The following FAM227B variants were observed in gnomAD, a reference collection of about 807,000 sequenced individuals.
FAM227B encodes the protein family with sequence similarity 227 member B.
Under a neutral mutation model 73.8 loss-of-function variants are expected in FAM227B, and 88 were observed. The ratio of observed to expected loss-of-function variants is 1.19; its 90% CI spans 1.00 to 1.42. The LOEUF (loss-of-function observed/expected upper bound fraction) is 1.42. FAM227B is among the 40% of genes most tolerant of loss of function. FAM227B has a pLI of 0.00. For missense variants in FAM227B, 632 were observed against 590.9 expected (o/e 1.07, Z -0.72); for synonymous variants, 210 against 190.5 (o/e 1.10, Z -0.84).
chr15:49,430,372 C>A (rs1244017161), intron 11 of FAM227B, among the ~76,000 whole-genome samples: 1 of 151,758 alleles, frequency 6.6e-6, no homozygotes, highest in Non-Finnish European at 1.5e-5. Context: ...TGACTATGAA[C>A]TCAGATGCTC....
At chr15:49,451,316 A>G (rs2052715382) in intron 11 of FAM227B, among the ~76,000 whole-genome samples, 1 of 152,096 alleles carries the variant, frequency 6.6e-6, no homozygotes, top group Non-Finnish European at 1.5e-5. Context: ...ATAAAAACTA[A>G]AAAAGTTTTA....
At chr15:49,371,509 G>A (rs2045803731) in intron 11 of FAM227B, 110 bp from the exon 12 acceptor site, 3 of 546,878 alleles carry the variant, frequency 5.5e-6, no homozygotes, top group Non-Finnish European at 9.7e-6. Context: ...ATGGAGAAAG[G>A]CAAACATGGA....
intron 15 of FAM227B, 151 bp downstream of exon 15, chr15:49,331,629 T>C: frequency 1.7e-6 from 1 of 584,134 alleles, no homozygotes; most frequent in Non-Finnish European, 3.1e-6. Flanking sequence ...TTTTCTTACA[T>C]GTGCATGTAG....
chr15:49,591,585 A>C (rs2076580983), intron 3 of FAM227B, among the ~76,000 whole-genome samples: 1 of 139,556 alleles, frequency 7.2e-6, no homozygotes, highest in African/African-American at 2.7e-5. Flanking sequence ...TCCAAGGTTC[A>C]AGCGATTCTC....
chr15:49,585,519 A>G (rs1028793932), intron 5 of FAM227B, among the ~76,000 whole-genome samples: 1 of 152,248 alleles, frequency 6.6e-6, no homozygotes, highest in Non-Finnish European at 1.5e-5. Context: ...GCCATAAAAA[A>G]TGATGAGTTC....
intron 9 of FAM227B, among the ~76,000 whole-genome samples, chr15:49,544,753 T>C (rs12438130): frequency 0.33 from 49,555 of 152,082 alleles, 8,813 homozygotes; most frequent in African/African-American, 0.45. Flanking sequence ...TCTGCATCTA[T>C]TGAGATAAAC....
intron 10 of FAM227B, among the ~76,000 whole-genome samples, chr15:49,541,141 A>G (rs147444956): frequency 6.6e-6 from 1 of 152,234 alleles, no homozygotes; most frequent in Non-Finnish European, 1.5e-5. Flanking sequence ...ACATGAAACT[A>G]TATTTCTATA....
At chr15:49,615,075 A>T (rs1170508477) in intron 2 of FAM227B, 46 bp downstream of exon 2, 2 of 1,563,022 alleles carry the variant, frequency 1.3e-6, no homozygotes, top group Non-Finnish European at 8.8e-7. Flanking sequence ...TTCCAAGAGA[A>T]ATATAACCTT....
At chr15:49,467,786 G>A (rs1203842840) in intron 11 of FAM227B, among the ~76,000 whole-genome samples, 3 of 152,092 alleles carry the variant, frequency 2.0e-5, no homozygotes, top group African/African-American at 7.2e-5. Flanking sequence ...GTCTGATTCA[G>A]GGAATATATC....
intron 5 of FAM227B, among the ~76,000 whole-genome samples, chr15:49,585,706 G>C (rs959244326): frequency 5.3e-5 from 8 of 152,154 alleles, no homozygotes; most frequent in African/African-American, 1.9e-4. Context: ...GTGGGTGGAG[G>C]GGGGAGGGAT....
chr15:49,380,699 T>C (rs914385409), intron 11 of FAM227B, among the ~76,000 whole-genome samples: 2 of 151,862 alleles, frequency 1.3e-5, no homozygotes, highest in African/African-American at 4.8e-5. Context: ...AGTCCTTTAC[T>C]TTTTTTTCTA....
At chr15:49,598,070 C>T (rs2076983361) in intron 3 of FAM227B, among the ~76,000 whole-genome samples, 1 of 151,906 alleles carries the variant, frequency 6.6e-6, no homozygotes, top group Non-Finnish European at 1.5e-5. Context: ...ACCAATTCTA[C>T]TGAAACTATT....
At chr15:49,451,543 GTATT>G (rs1208968811) in intron 11 of FAM227B, among the ~76,000 whole-genome samples, 2 of 151,882 alleles carry the variant, frequency 1.3e-5, no homozygotes, top group African/African-American at 4.8e-5. Flanking sequence ...TAAAATTTTA[GTATT>G]TATATTTTTT....
intron 11 of FAM227B, among the ~76,000 whole-genome samples, chr15:49,422,904 T>C (rs1332642861): frequency 1.3e-5 from 2 of 152,204 alleles, no homozygotes; most frequent in African/African-American, 2.4e-5. Context: ...CATAAAGCTA[T>C]GGAAAAGATT....
chr15:49,468,633 T>C (rs1374482128), intron 11 of FAM227B, among the ~76,000 whole-genome samples: 2 of 152,208 alleles, frequency 1.3e-5, no homozygotes, highest in East Asian at 1.9e-4. Flanking sequence ...TCCAGCCTGC[T>C]GGAGGTCACT....
intron 8 of FAM227B, among the ~76,000 whole-genome samples, chr15:49,572,670 G>A (rs764938427): frequency 7.2e-5 from 11 of 151,998 alleles, no homozygotes; most frequent in Non-Finnish European, 1.5e-4. Flanking sequence ...TTCTGTTTGA[G>A]AGCAGGGCAC....
intron 8 of FAM227B, among the ~76,000 whole-genome samples, chr15:49,573,420 A>G (rs1393518316): frequency 2.0e-5 from 3 of 152,296 alleles, no homozygotes; most frequent in Admixed American, 6.5e-5. Context: ...CTACGATTTG[A>G]ATGTGTCCCC....
At chr15:49,362,935 G>A (rs1057027020) in intron 13 of FAM227B, among the ~76,000 whole-genome samples, 2 of 151,966 alleles carry the variant, frequency 1.3e-5, no homozygotes, top group African/African-American at 4.8e-5. Flanking sequence ...ATGGTAGTAG[G>A]TGTGCAGCAT....
intron 11 of FAM227B, among the ~76,000 whole-genome samples, chr15:49,392,513 A>C (rs1049591745): frequency 2.0e-5 from 3 of 152,116 alleles, no homozygotes; most frequent in African/African-American, 7.2e-5. Context: ...CAGGCAGTGG[A>C]GTGTATATAA....
Sources: gnomAD v4.1 joint callset for allele counts (sites outside exome capture counted in the v4.1 genomes callset) on GRCh38, gnomAD v4.1.1 for gene constraint, MANE v1.5 for transcripts, NCBI Gene and HGNC (gene_info 2026-07-23, HGNC 2026-07-21) for gene names.